Variants in MME observed in about 807,000 individuals in gnomAD.
MME encodes the protein membrane metalloendopeptidase, also known as neprilysin.
A neutral mutation model predicts 113.2 loss-of-function variants in MME; 98 were observed. The ratio of observed to expected loss-of-function variants is 0.87; its 90% confidence interval spans 0.74 to 1.02. The LOEUF is 1.02. Ranked by LOEUF, MME falls within the 50% of genes least tolerant of loss-of-function variation. MME has a pLI of 0.00. For synonymous variants in MME, 292 were observed against 300.6 expected, an observed-to-expected ratio of 0.97 and a Z score of 0.30; for missense variants, 836 against 896.0, an observed-to-expected ratio of 0.93 and a Z score of 0.86.
chr3:155,047,461 A>G (rs536297886), intron 1 of MME, among the ~76,000 whole-genome samples: 12 of 152,316 alleles, frequency 7.9e-5, no homozygotes, highest in Non-Finnish European at 1.5e-4. Flanking sequence ...CACATTTCCC[A>G]GAACATATCC....
intron 1 of MME, among the ~76,000 whole-genome samples, chr3:155,028,165 A>G (rs1385597414): frequency 6.6e-6 from 1 of 152,178 alleles, no homozygotes; most frequent in East Asian, 1.9e-4. Flanking sequence ...AACAGACAAC[A>G]TTTCTACTCT....
At chr3:155,130,058 A>G (rs142358740) in intron 8 of MME, among the ~76,000 whole-genome samples, 5 of 152,312 alleles carry the variant, frequency 3.3e-5, no homozygotes, top group African/African-American at 1.2e-4. Context: ...TTCAAGAGCA[A>G]TTGTTATCTT....
rs543775941 is a variant in MME at position 155,028,357 on chromosome 3, A to C, written c.-11+4033A>C. ...ACCTTGCCAATGAAGTGAGAGCTGC[A>C]TGTTGAAAGGAGCCAGCCATGTAAT... On this transcript the variant is annotated intron_variant, in intron 1 of 22. Transcript: ENST00000492661. 6.0e-4 allele frequency among the ~76,000 whole-genome samples: 91 copies of C among 152,338 alleles called. 1 individual carries two copies. The South Asian group carries it at 0.018, about 30-fold the overall frequency.
chr3:155,098,555 C>CAAAAA (rs34979254), intron 3 of MME, among the ~76,000 whole-genome samples: 1 of 137,634 alleles, frequency 7.3e-6, no homozygotes. Context: ...GATTCTGTCT[C>CAAAAA]AAAAAAAAAA....
rs1274566455 is a variant in MME at position 155,114,991 on chromosome 3, C to T, written c.197-3C>T. The T allele has an allele frequency of 1.9e-6, 3 of 1,613,824 alleles. No individual in the cohort carries two copies. Among genetic ancestry groups the T allele is most frequent in the Non-Finnish European group, 2.5e-6 (3 of 1,179,882 alleles). On this transcript the variant is annotated splice_polypyrimidine_tract_variant and splice_region_variant and intron_variant, in intron 3 of 22. Coordinates refer to ENST00000360490, the MANE Select transcript of MME (RefSeq NM_007289.4). Reference sequence around the variant, plus strand: ...TTATCTAGTGTTTTCTCTGCTCTTGCAGCTGCTCGACTGATCCAAAACATG... The same window carrying T: ...TTATCTAGTGTTTTCTCTGCTCTTGTAGCTGCTCGACTGATCCAAAACATG...
chr3:155,153,694 G>A (rs1319017578), intron 16 of MME, among the ~76,000 whole-genome samples: 1 of 152,156 alleles, frequency 6.6e-6, no homozygotes, highest in African/African-American at 2.4e-5. Context: ...GAGCCCTGGA[G>A]TTAACTTTTT....
chr3:155,138,039 T>A, intron 8 of MME, 63 bp from the exon 9 acceptor site: 1 of 1,572,980 alleles, frequency 6.4e-7, no homozygotes, highest in Non-Finnish European at 8.7e-7. Flanking sequence ...GAAAATAAAT[T>A]TTAAGTACCA....
In MME at chr3:155,089,837, T is replaced by G. The variant is rs191316440; in HGVS notation, c.196+4743T>G. On this transcript the variant is annotated intron_variant, in intron 3 of 22. Transcript: ENST00000360490. Reference sequence around the variant, plus strand: ...TGCTAAAAATACAAAAATCCAGGCATGGTAGCACGCGCCTATAATCCCAGA... The same window carrying G: ...TGCTAAAAATACAAAAATCCAGGCAGGGTAGCACGCGCCTATAATCCCAGA... 1,212 of 452,902 alleles carry G rather than the reference T, an allele frequency of 2.7e-3. 21 individuals carry two copies. Among genetic ancestry groups the G allele is most frequent in the South Asian group, 0.018 (1,177 of 64,210 alleles). The allele number at this position is 452,902 out of a possible 1,614,324, so 28.1% of individuals were successfully genotyped here.
At chr3:155,175,769 A>G (rs1712454558) in intron 22 of MME, among the ~76,000 whole-genome samples, 1 of 118,460 alleles carries the variant, frequency 8.4e-6, no homozygotes, top group Non-Finnish European at 1.7e-5. Context: ...TTTTATATAG[A>G]CATGTCAACT....
intron 1 of MME, among the ~76,000 whole-genome samples, chr3:155,051,234 C>T (rs1215514981): frequency 2.0e-5 from 3 of 152,224 alleles, no homozygotes; most frequent in South Asian, 2.1e-4. Context: ...ATCAGATCAA[C>T]CTTCTCAGCA....
At chr3:155,061,423 C>T (rs1345896216) in intron 1 of MME, among the ~76,000 whole-genome samples, 1 of 145,932 alleles carries the variant, frequency 6.9e-6, no homozygotes, top group East Asian at 2.0e-4. Context: ...TGCACTCCAA[C>T]CTGGGCGACA....
At chr3:155,145,730 T>A (rs2108319765) in intron 14 of MME, among the ~76,000 whole-genome samples, 1 of 152,306 alleles carries the variant, frequency 6.6e-6, no homozygotes, top group Non-Finnish European at 1.5e-5. Context: ...TGCGACAGCA[T>A]TTACCCGAAG....
chr3:155,091,231 A>G (rs1267285289), intron 3 of MME, among the ~76,000 whole-genome samples: 1 of 152,212 alleles, frequency 6.6e-6, no homozygotes, highest in Non-Finnish European at 1.5e-5. Context: ...AAAATTGTGT[A>G]GGGATATTAC....
chr3:155,087,224 T>C (rs1327413586), intron 3 of MME, among the ~76,000 whole-genome samples: 3 of 151,394 alleles, frequency 2.0e-5, no homozygotes, highest in Non-Finnish European at 2.9e-5. Flanking sequence ...GGTTATAGTC[T>C]AATATCCTGA....
At chr3:155,046,155 CTGAGAGT>C (rs1240917476) in intron 1 of MME, among the ~76,000 whole-genome samples, 37 of 152,234 alleles carry the variant, frequency 2.4e-4, no homozygotes, top group African/African-American at 8.7e-4. Context: ...TCCCTGAGAG[CTGAGAGT>C]TTTTTCCAAC....
At chr3:155,083,771 T>C (rs111869978) in intron 1 of MME, 3 of 225,138 alleles carry the variant, frequency 1.3e-5, no homozygotes, top group Middle Eastern at 1.7e-3. Flanking sequence ...TAACCATTGA[T>C]GTTAGTCCAG....
intron 1 of MME, among the ~76,000 whole-genome samples, chr3:155,055,079 T>G (rs777353506): frequency 3.9e-5 from 6 of 152,158 alleles, no homozygotes; most frequent in Non-Finnish European, 5.9e-5. Context: ...AGATGAATAC[T>G]CAACAGAGGG....
In MME at chr3:155,156,174, G is replaced by C. The variant is rs529435102; in HGVS notation, c.1602-4216G>C. 1.6e-4 allele frequency among the ~76,000 whole-genome samples: 25 copies of C among 152,246 alleles called. No homozygotes were observed. In the South Asian group the frequency reaches 2.7e-3, roughly 16 times the overall value. ...GGAAGAGCCTGTGCTGTGGAGTCAG[G>C]GGGTGAGGGGAGTAGACCTGAGTCA... On this transcript the variant is annotated intron_variant, in intron 16 of 22. Coordinates refer to ENST00000360490, the MANE Select transcript of MME (RefSeq NM_007289.4).
At chr3:155,169,567 T>C (rs1711680010) in intron 20 of MME, among the ~76,000 whole-genome samples, 1 of 151,872 alleles carries the variant, frequency 6.6e-6, no homozygotes, top group Admixed American at 6.6e-5. Flanking sequence ...CATAAAAGGG[T>C]GGAGGAATGA....
Sources: gnomAD v4.1 joint callset for allele counts (sites outside exome capture counted in the v4.1 genomes callset) on GRCh38, gnomAD v4.1.1 for gene constraint, MANE v1.5 for transcripts, NCBI Gene and HGNC (gene_info 2026-07-23, HGNC 2026-07-21) for gene names.